The following RBMS3 variants were observed in gnomAD, a reference collection of about 807,000 sequenced individuals.
RBMS3 encodes RNA-binding motif, single-stranded-interacting protein 3.
RBMS3 carries 27 observed loss-of-function variants against 66.8 expected under a neutral mutation model. The ratio of observed to expected loss-of-function variants is 0.40; its 90% CI spans 0.30 to 0.56. The LOEUF (loss-of-function observed/expected upper bound fraction) is 0.56, where lower values mean the gene tolerates loss of function less well. RBMS3 is among the 20% of genes least tolerant of loss of function. RBMS3 has a pLI of 0.40. For synonymous variants in RBMS3, 188 were observed against 183.0 expected, an observed-to-expected ratio of 1.03 and a Z score of -0.22; for missense variants, 513 against 549.5, an observed-to-expected ratio of 0.93 and a Z score of 0.66.
At chr3:29,734,839 TTTTA>T (rs1334745792) in intron 4 of RBMS3, among the ~76,000 whole-genome samples, 1 of 152,122 alleles carries the variant, frequency 6.6e-6, no homozygotes, top group Non-Finnish European at 1.5e-5. Context: ...TTGCATATCC[TTTTA>T]TTTTATTTTC....
chr3:29,974,800 C>CATTTATAT lies in RBMS3; in HGVS notation c.1099-13343_1099-13342insATTTATAT, dbSNP rs1559852720. ...TGTTTTATATTTTATATATAAAATACGTTTATATATTTTATATATAAAATA... is the reference window on the plus strand; with the variant it reads ...TGTTTTATATTTTATATATAAAATACATTTATATGTTTATATATTTTATATATAAAATA... On this transcript the variant is annotated intron_variant, in intron 12 of 14. Transcript: ENST00000383767. Among the ~76,000 whole-genome samples the CATTTATAT allele has an allele frequency of 4.6e-5, 5 of 109,246 alleles. 1 individual carries two copies. Among genetic ancestry groups the CATTTATAT allele is most frequent in the African/African-American group, 7.3e-5 (2 of 27,400 alleles). 71.7% of individuals were successfully genotyped at this position (109,246 alleles called of 152,430 possible).
chr3:29,316,054 C>T (rs539187546), intron 1 of RBMS3, among the ~76,000 whole-genome samples: 23 of 151,482 alleles, frequency 1.5e-4, no homozygotes, highest in East Asian at 7.8e-4. Flanking sequence ...TAGGTATTAC[C>T]GGGGTGATAT....
chr3:29,472,370 A>AT, intron 2 of RBMS3, among the ~76,000 whole-genome samples: 1 of 151,922 alleles, frequency 6.6e-6, no homozygotes, highest in East Asian at 1.9e-4. Flanking sequence ...TAATTTTTGT[A>AT]TTTTTAGTAG....
intron 6 of RBMS3, chr3:29,766,100 T>C (rs1237581200): frequency 2.6e-5 from 4 of 152,014 alleles, no homozygotes; most frequent in Non-Finnish European, 5.9e-5. Context: ...ACATTTAATA[T>C]AACTCTAAGC....
At position 29,988,187 on chromosome 3, in the gene RBMS3, G is replaced by A. The variant is rs140453342; in HGVS notation, c.1143G>A (p.Gln381=). Reference sequence around the variant, plus strand: ...CTATGCAAGGGACCTACATTCCTCAGTACACGCCTGTGCCTCCGACAGCTG... The same window carrying A: ...CTATGCAAGGGACCTACATTCCTCAATACACGCCTGTGCCTCCGACAGCTG... ...AAPMQGTYIP[Q]YTPVPPTAVS... The change falls in exon 13 of 15, where the codon CAG becomes CAA. Residue 381 remains glutamine (Q), a synonymous_variant. Coordinates refer to ENST00000383767, the MANE Select transcript of RBMS3 (RefSeq NM_001003793.3). The A allele has an allele frequency of 7.4e-6, 12 of 1,613,098 alleles. No homozygotes were observed. The African/African-American group carries it at 1.1e-4, about 14-fold the overall frequency.
At chr3:29,972,681 T>C (rs1337983006) in intron 12 of RBMS3, among the ~76,000 whole-genome samples, 1 of 152,112 alleles carries the variant, frequency 6.6e-6, no homozygotes, top group Non-Finnish European at 1.5e-5. Flanking sequence ...ATCATTTACT[T>C]GAGTCCACTG....
At chr3:29,629,176 C>A (rs1294852347) in intron 4 of RBMS3, among the ~76,000 whole-genome samples, 1 of 152,090 alleles carries the variant, frequency 6.6e-6, no homozygotes, top group African/African-American at 2.4e-5. Context: ...TAATTTACAT[C>A]CTAATGATGG....
At chr3:29,473,497 T>G (rs1307284489) in intron 2 of RBMS3, among the ~76,000 whole-genome samples, 1 of 152,180 alleles carries the variant, frequency 6.6e-6, no homozygotes, top group African/African-American at 2.4e-5. Context: ...TCCCGCGCCG[T>G]GCGCCTGCAC....
chr3:29,814,658 C>T (rs916937656), intron 6 of RBMS3, among the ~76,000 whole-genome samples: 3 of 152,276 alleles, frequency 2.0e-5, no homozygotes, highest in African/African-American at 7.2e-5. Context: ...ACAATTTCAG[C>T]TCCTGTTATT....
In RBMS3 at chr3:29,358,113, C is replaced by T. The variant is rs531774005; in HGVS notation, c.75+76357C>T. Among the ~76,000 whole-genome samples, 19 of 152,252 alleles carry T rather than the reference C, an allele frequency of 1.2e-4. No individual in the cohort carries two copies. In the South Asian group the frequency reaches 3.7e-3, roughly 30 times the overall value. On this transcript the variant is annotated intron_variant, in intron 1 of 14. Transcript: ENST00000383767. ...GCTTTTGGTGTTTTAGACGTGAAGT[C>T]CTTGCCCCTGCCTACGTCCTGAATG...
chr3:29,733,678 A>G (rs575559790), intron 4 of RBMS3, among the ~76,000 whole-genome samples: 19 of 152,234 alleles, frequency 1.2e-4, no homozygotes, highest in African/African-American at 4.3e-4. Flanking sequence ...GCAGATGAAT[A>G]GTATGCAAAT....
chr3:29,610,250 C>T (rs1270319785), intron 4 of RBMS3, among the ~76,000 whole-genome samples: 1 of 152,008 alleles, frequency 6.6e-6, no homozygotes, highest in Non-Finnish European at 1.5e-5. Context: ...AATGTACAAA[C>T]ATCAGCTAGA....
intron 1 of RBMS3, among the ~76,000 whole-genome samples, chr3:29,389,088 A>T (rs1431292090): frequency 6.6e-6 from 1 of 152,230 alleles, no homozygotes; most frequent in Non-Finnish European, 1.5e-5. Flanking sequence ...GTGAAGACAT[A>T]ACAGCAGAAT....
chr3:29,316,534 T>C (rs746404235), intron 1 of RBMS3, among the ~76,000 whole-genome samples: 30 of 151,702 alleles, frequency 2.0e-4, no homozygotes, highest in Non-Finnish European at 3.8e-4. Context: ...GCTTGCTATG[T>C]ATACACTTTC....
At chr3:29,375,744 A>G (rs1250326805) in intron 1 of RBMS3, among the ~76,000 whole-genome samples, 2 of 152,202 alleles carry the variant, frequency 1.3e-5, no homozygotes, top group Non-Finnish European at 2.9e-5. Context: ...ACACTTTTAC[A>G]TGTTGGTGAA....
chr3:29,354,359 T>C (rs2037092789), intron 1 of RBMS3, among the ~76,000 whole-genome samples: 1 of 152,184 alleles, frequency 6.6e-6, no homozygotes, highest in Non-Finnish European at 1.5e-5. Context: ...TCATTTATGA[T>C]GCAAAAATTA....
At chr3:29,542,057 T>C (rs9870631) in intron 3 of RBMS3, among the ~76,000 whole-genome samples, 41,847 of 152,034 alleles carry the variant, frequency 0.28, 8,379 homozygotes, top group African/African-American at 0.56. Context: ...ATCAGTTGTC[T>C]GGGTTCCCAC....
intron 5 of RBMS3, among the ~76,000 whole-genome samples, chr3:29,757,906 T>C (rs2055497101): frequency 6.6e-6 from 1 of 152,202 alleles, no homozygotes; most frequent in African/African-American, 2.4e-5. Context: ...CAGGATCCAA[T>C]CCAGTTACTA....
chr3:29,517,675 A>G (rs1336841760), intron 3 of RBMS3, among the ~76,000 whole-genome samples: 2 of 152,062 alleles, frequency 1.3e-5, no homozygotes, highest in Non-Finnish European at 2.9e-5. Context: ...ACTGTCCACT[A>G]TTTCTATTGG....
Sources: gnomAD v4.1 joint callset for allele counts (sites outside exome capture counted in the v4.1 genomes callset) on GRCh38, gnomAD v4.1.1 for gene constraint, MANE v1.5 for transcripts, NCBI Gene and HGNC (gene_info 2026-07-23, HGNC 2026-07-21) for gene names.